The following MTTP variants were observed in gnomAD, a reference collection of about 807,000 sequenced individuals.
MTTP encodes microsomal triglyceride transfer protein large subunit.
In MTTP, 49 loss-of-function variants were observed where a neutral mutation model predicts 90.6. The observed-to-expected ratio is 0.54, with a 90% confidence interval of 0.43 to 0.69. The LOEUF (loss-of-function observed/expected upper bound fraction) is 0.69, where lower values mean the gene tolerates loss of function less well. MTTP is among the 30% of genes least tolerant of loss of function. MTTP has a pLI of 0.00. For missense variants in MTTP, 945 were observed against 1,067.5 expected (o/e 0.89, Z 1.60); for synonymous variants, 347 against 384.2 (o/e 0.90, Z 1.13).
chr4:99,594,717 C>T lies in MTTP; in HGVS notation c.759-16C>T. The T allele has an allele frequency of 6.2e-7, 1 of 1,613,610 alleles. No individual in the cohort carries two copies. Among genetic ancestry groups the T allele is most frequent in the Non-Finnish European group, 8.5e-7 (1 of 1,179,660 alleles). On this transcript the variant is annotated splice_polypyrimidine_tract_variant and intron_variant, in intron 6 of 17. Coordinates refer to ENST00000265517, the MANE Select transcript of MTTP (RefSeq NM_001386140.1). Reference sequence around the variant, plus strand: ...AGAATGATTATAATATAGCATTTCCCTTTGGTATTATGCAGGCAGAAATTA... The same window carrying T: ...AGAATGATTATAATATAGCATTTCCTTTTGGTATTATGCAGGCAGAAATTA...
intron 14 of MTTP, among the ~76,000 whole-genome samples, chr4:99,612,690 T>C (rs1725990118): frequency 6.6e-6 from 1 of 152,162 alleles, no homozygotes; most frequent in East Asian, 1.9e-4. Flanking sequence ...ATGGGTAATA[T>C]CATATGTACT....
intron 1 of MTTP, among the ~76,000 whole-genome samples, chr4:99,577,592 C>T (rs1237290338): frequency 8.1e-5 from 8 of 98,690 alleles, no homozygotes; most frequent in African/African-American, 2.7e-4. Flanking sequence ...GCAATAAGAG[C>T]GAAACTCTGT....
At position 99,594,684 on chromosome 4, in the gene MTTP, C is replaced by T. The variant is rs1440752399; in HGVS notation, c.759-49C>T. On this transcript the variant is annotated intron_variant, in intron 6 of 17. Transcript: ENST00000265517. ...AAAGAATGGCAATTAGTATCTTGTT[C>T]ACTCAAAAGAATGATTATAATATAG... is the stretch of plus-strand genomic sequence containing the variant. 1.9e-6 allele frequency: 3 copies of T among 1,601,732 alleles called. No homozygotes were observed. In the African/African-American group the frequency reaches 4.0e-5, roughly 21 times the overall value.
rs1725675795 is a variant in MTTP, at chr4:99,600,725, GCC to G, written c.1230_1231del (p.Leu411HisfsTer2). On this transcript the variant is annotated frameshift_variant, in exon 9 of 18. Transcript: ENST00000265517. LOFTEE classifies it high-confidence loss of function. ...ASHPNEELLR[A>X]LISKFKGSIG... is the part of the protein sequence containing the mutation. ...TCATCCCAATGAAGAACTCCTGAGA[GCC>G]CTCATTGTAAGTCAAATAGAAAATA... The G allele has an allele frequency of 1.2e-6, 2 of 1,613,518 alleles. No homozygotes were observed. The highest frequency in any genetic ancestry group is 1.7e-6 in the Non-Finnish European group (2 of 1,179,658).
In MTTP at chr4:99,583,511, T is replaced by C. The variant is rs2110212767; in HGVS notation, c.387T>C (p.His129=). ...GACCTACGCTCCTTCATCTAATCCA[T>C]GGAAAGGTAAAGGGGCGTTTAGATT... ...LQRPTLLHLI[H]GKVKEFYSYQ... is the part of the protein sequence containing the mutation. The change falls in exon 3 of 18, where the codon CAT becomes CAC. Residue 129 remains histidine, a synonymous_variant. Coordinates refer to ENST00000265517, the MANE Select transcript of MTTP (RefSeq NM_001386140.1). The C allele has an allele frequency of 1.2e-6, 2 of 1,613,564 alleles. No individual in the cohort carries two copies. The highest frequency in any genetic ancestry group is 1.7e-6 in the Non-Finnish European group (2 of 1,179,790).
chr4:99,614,282 C>CT (rs966659142), intron 15 of MTTP, among the ~76,000 whole-genome samples: 6 of 152,078 alleles, frequency 3.9e-5, no homozygotes, highest in African/African-American at 1.2e-4. Context: ...ATTTTATCAG[C>CT]TTTTTTGTTT....
At chr4:99,600,969 T>A in intron 9 of MTTP, among the ~76,000 whole-genome samples, 1 of 152,154 alleles carries the variant, frequency 6.6e-6, no homozygotes, top group South Asian at 2.1e-4. Flanking sequence ...AATTTAAAGA[T>A]TGTGTTCACC....
chr4:99,569,493 A>G (rs1018205235), intron 1 of MTTP, among the ~76,000 whole-genome samples: 1 of 152,088 alleles, frequency 6.6e-6, no homozygotes, highest in Non-Finnish European at 1.5e-5. Flanking sequence ...TAAGTTATTA[A>G]CAGAAGTAAC....
chr4:99,595,188 CAAG>C (rs1317612036), intron 7 of MTTP, among the ~76,000 whole-genome samples: 1 of 152,106 alleles, frequency 6.6e-6, no homozygotes, highest in African/African-American at 2.4e-5. Context: ...CATATGGTGT[CAAG>C]AATGTGGACA....
At chr4:99,605,865 A>ATG (rs1315844209) in intron 10 of MTTP, among the ~76,000 whole-genome samples, 1 of 65,300 alleles carries the variant, frequency 1.5e-5, no homozygotes, top group Non-Finnish European at 2.7e-5. Context: ...CCCCAACCCC[A>ATG]TGTATGTGTG....
upstream of MTTP, chr4:99,570,754 A>G: frequency 2.2e-6 from 1 of 455,872 alleles, no homozygotes. Flanking sequence ...GACAGAAGAG[A>G]TGGTCAGAGT....
chr4:99,580,606 A>C (rs545726397), intron 1 of MTTP, among the ~76,000 whole-genome samples: 1 of 147,360 alleles, frequency 6.8e-6, no homozygotes, highest in South Asian at 2.2e-4. Context: ...AAAAAGAATC[A>C]TGTCTCTATG....
intron 6 of MTTP, among the ~76,000 whole-genome samples, chr4:99,592,439 CAT>C (rs1434262091): frequency 6.6e-6 from 1 of 152,080 alleles, no homozygotes; most frequent in African/African-American, 2.4e-5. Context: ...TGTAATAACA[CAT>C]AGTTTAAAAC....
At position 99,597,206 on chromosome 4, in the gene MTTP, T is replaced by C. The variant is rs754736070; in HGVS notation, c.1049T>C (p.Met350Thr). 3.1e-6 allele frequency: 5 copies of C among 1,613,628 alleles called. No individual in the cohort carries two copies. In the African/African-American group the frequency reaches 6.7e-5, roughly 22 times the overall value. ...GAAGAGATCCTTCAAATACTAAAGA[T>C]GGAAAATAAGGAAGTATTGTAAGTT... ...KKEEILQILK[M>T]ENKEVLPQLV... The change falls in exon 8 of 18, where the codon ATG becomes ACG. Residue 350 changes from methionine to threonine, a missense_variant. Transcript: ENST00000265517.
chr4:99,601,467 T>C, intron 9 of MTTP, 140 bp from the exon 10 acceptor site: 1 of 641,236 alleles, frequency 1.6e-6, no homozygotes. Flanking sequence ...TGTGTAAGTG[T>C]CTCAAAAGCA....
chr4:99,596,920 G>A (rs1054726359), intron 7 of MTTP, 147 bp from the exon 8 acceptor site: 2 of 931,576 alleles, frequency 2.1e-6, no homozygotes, highest in East Asian at 2.5e-5. Flanking sequence ...ATATGGGCAG[G>A]GAACTGTCAT....
At position 99,591,298 on chromosome 4, in the gene MTTP, A is replaced by T; in HGVS notation, c.565A>T (p.Lys189Ter). 6.2e-7 allele frequency: 1 copy of T among 1,614,002 alleles called. No homozygotes were observed. Among genetic ancestry groups the T allele is most frequent in the Non-Finnish European group, 8.5e-7 (1 of 1,179,872 alleles). ...QAHQDKVIKI[K>*]ALDSCKIARS... The stretch of plus-strand genomic sequence containing the variant: ...TCATCAAGACAAAGTGATCAAAATT[A>T]AGGCCTTGGATTCATGCAAAATAGC... Residue 189 changes from lysine (K) to a stop codon, truncating the protein, a stop_gained, in exon 5 of 18, where the codon AAG (lysine) becomes TAG (stop). Coordinates refer to ENST00000265517, the MANE Select transcript of MTTP (RefSeq NM_001386140.1). LOFTEE classifies it high-confidence loss of function.
At chr4:99,594,571 A>C (rs1725504359) in intron 6 of MTTP, among the ~76,000 whole-genome samples, 162 bp from the exon 7 acceptor site, 1 of 152,226 alleles carries the variant, frequency 6.6e-6, no homozygotes, top group Non-Finnish European at 1.5e-5. Context: ...GAAAGACTTC[A>C]TAATGAGCTT....
intron 7 of MTTP, among the ~76,000 whole-genome samples, chr4:99,595,166 G>A (rs1456601291): frequency 6.6e-6 from 1 of 152,210 alleles, no homozygotes; most frequent in Non-Finnish European, 1.5e-5. Flanking sequence ...GCTTAATGAA[G>A]TTAGGGGGAA....
Sources: gnomAD v4.1 joint callset for allele counts (sites outside exome capture counted in the v4.1 genomes callset) on GRCh38, gnomAD v4.1.1 for gene constraint, MANE v1.5 for transcripts, NCBI Gene and HGNC (gene_info 2026-07-23, HGNC 2026-07-21) for gene names.